Variants in EHBP1 observed in about 807,000 individuals in gnomAD.
EHBP1 encodes EH domain binding protein 1, also known as EH domain-binding protein 1.
EHBP1 carries 55 observed loss-of-function variants against 144.0 expected under a neutral mutation model. The ratio of observed to expected loss-of-function variants is 0.38; its 90% confidence interval spans 0.31 to 0.48. EHBP1 has a LOEUF of 0.48. Among genes scored for constraint, EHBP1 ranks in the 20% least tolerant of loss-of-function variants. The probability of loss-of-function intolerance (pLI) is 0.98; values close to 1 mark genes in which losing one functional copy is unlikely to be tolerated. For missense variants in EHBP1, 1,200 were observed against 1,364.2 expected (o/e 0.88, Z 1.90); for synonymous variants, 469 against 472.7 (o/e 0.99, Z 0.10).
intron 1 of EHBP1, among the ~76,000 whole-genome samples, chr2:62,689,884 A>T (rs1051540450): frequency 1.3e-5 from 2 of 152,248 alleles, no homozygotes; most frequent in African/African-American, 4.8e-5. Flanking sequence ...AGTTACTACT[A>T]AAAAGCAGTA....
At chr2:62,715,922 A>G (rs2035627650) in intron 2 of EHBP1, among the ~76,000 whole-genome samples, 2 of 152,194 alleles carry the variant, frequency 1.3e-5, no homozygotes. Flanking sequence ...TAGCTAATAC[A>G]TGTTATGCTT....
At chr2:63,031,333 C>G (rs1252018082) in intron 19 of EHBP1, among the ~76,000 whole-genome samples, 1 of 152,136 alleles carries the variant, frequency 6.6e-6, no homozygotes, top group Non-Finnish European at 1.5e-5. Context: ...GCTTACAATT[C>G]AAGTTTTCCC....
At chr2:62,969,988 AC>A (rs2058423296) in intron 14 of EHBP1, among the ~76,000 whole-genome samples, 1 of 152,124 alleles carries the variant, frequency 6.6e-6, no homozygotes, top group African/African-American at 2.4e-5. Flanking sequence ...GTCTACCTAA[AC>A]CTTCTAAAAT....
At chr2:62,707,406 A>G (rs765326727) in intron 2 of EHBP1, 111 bp downstream of exon 2, 60 of 757,778 alleles carry the variant, frequency 7.9e-5, no homozygotes, top group Middle Eastern at 3.5e-4. Flanking sequence ...ACTAGTGTGT[A>G]GAAGCTGGGT....
rs184013496 is a variant in EHBP1, at chr2:62,829,838, A to G, written c.495-1181A>G. Among the ~76,000 whole-genome samples, 308 of 149,270 alleles carry G rather than the reference A, an allele frequency of 2.1e-3. 2 individuals carry two copies. Among genetic ancestry groups the G allele is most frequent in the African/African-American group, 6.5e-3 (266 of 40,890 alleles). On this transcript the variant is annotated intron_variant, in intron 6 of 22. Coordinates refer to ENST00000431489, the MANE Select transcript of EHBP1 (RefSeq NM_001142616.3). Reference sequence around the variant, plus strand: ...GTGGCCATAATTTAAGAATAAAAAAAATAGATATTGACATGGATGTGATGA... The same window carrying G: ...GTGGCCATAATTTAAGAATAAAAAAGATAGATATTGACATGGATGTGATGA...
At chr2:62,917,355 C>T (rs1034575391) in intron 10 of EHBP1, among the ~76,000 whole-genome samples, 5 of 152,128 alleles carry the variant, frequency 3.3e-5, no homozygotes, top group Non-Finnish European at 5.9e-5. Context: ...GTATTGCAAT[C>T]TTATGGTACC....
chr2:62,808,293 C>T (rs888781550), intron 5 of EHBP1, among the ~76,000 whole-genome samples: 3 of 149,382 alleles, frequency 2.0e-5, no homozygotes, highest in Non-Finnish European at 4.4e-5. Flanking sequence ...TCCCACAGTC[C>T]TTGGCTACTC....
chr2:62,678,182 G>C (rs549317223), intron 1 of EHBP1, among the ~76,000 whole-genome samples: 14 of 152,316 alleles, frequency 9.2e-5, no homozygotes, highest in African/African-American at 3.4e-4. Flanking sequence ...TTTAACTGGT[G>C]TAAGATTATG....
chr2:62,828,105 G>T (rs903576402), intron 6 of EHBP1, among the ~76,000 whole-genome samples: 1 of 152,130 alleles, frequency 6.6e-6, no homozygotes, highest in African/African-American at 2.4e-5. Flanking sequence ...TTAAAAAGGG[G>T]AAATGACTTT....
intron 14 of EHBP1, among the ~76,000 whole-genome samples, chr2:62,973,311 T>TA (rs1427928654): frequency 6.6e-6 from 1 of 152,232 alleles, no homozygotes; most frequent in East Asian, 1.9e-4. Context: ...CACTTAAACT[T>TA]AGTTGCCTGA....
Position 62,983,269 on chromosome 2 carries a change from G to T in EHBP1, c.2608+3934G>T, listed in dbSNP as rs969384787. 2.0e-5 allele frequency among the ~76,000 whole-genome samples: 3 copies of T among 152,042 alleles called. 1 individual carries two copies. The highest frequency in any genetic ancestry group is 4.4e-5 in the Non-Finnish European group (3 of 67,996). ...TTAGTTATGTAGTATTGTGGTCAGG[G>T]AATAGGGCCTAAATTTCTGCTTTGG... On this transcript the variant is annotated intron_variant, in intron 15 of 22. Transcript: ENST00000431489.
At chr2:63,038,199 C>T (rs2061522745) in intron 20 of EHBP1, among the ~76,000 whole-genome samples, 1 of 152,038 alleles carries the variant, frequency 6.6e-6, no homozygotes, top group Non-Finnish European at 1.5e-5. Context: ...TGCTCACTAG[C>T]AGTATTCTTC....
intron 10 of EHBP1, among the ~76,000 whole-genome samples, chr2:62,940,668 G>A (rs963704452): frequency 3.9e-5 from 6 of 151,990 alleles, no homozygotes; most frequent in Non-Finnish European, 7.4e-5. Flanking sequence ...ATTTAACAAC[G>A]GCTCTATGAT....
In EHBP1 at chr2:62,705,910, C is replaced by T. The variant is rs2151782146; in HGVS notation, c.-438C>T. ...GGCTGCAGATCCCGGCTACCGCGAG[C>T]GCCGTGGCTGGCTTGGCTGTTCCAT... On this transcript the variant is annotated 5_prime_UTR_variant, in exon 1 of 23. Coordinates refer to ENST00000431489, the MANE Select transcript of EHBP1 (RefSeq NM_001142616.3). 2 of 156,490 alleles carry T rather than the reference C, an allele frequency of 1.3e-5. No homozygotes were observed. The highest frequency in any genetic ancestry group is 1.4e-4 in the South Asian group (1 of 7,276). 9.7% of individuals were successfully genotyped at this position (156,490 alleles called of 1,614,324 possible).
intron 8 of EHBP1, among the ~76,000 whole-genome samples, chr2:62,861,625 C>T (rs979186608): frequency 2.0e-5 from 3 of 151,500 alleles, no homozygotes; most frequent in African/African-American, 7.3e-5. Flanking sequence ...ACCTATAATC[C>T]CAGCTGTTTG....
intron 3 of EHBP1, among the ~76,000 whole-genome samples, chr2:62,750,914 A>G (rs541371279): frequency 1.3e-5 from 2 of 152,302 alleles, no homozygotes; most frequent in East Asian, 3.9e-4. Flanking sequence ...TAAATATACA[A>G]TCATGTCATC....
At chr2:62,788,725 C>A (rs1312431307) in intron 5 of EHBP1, among the ~76,000 whole-genome samples, 1 of 152,244 alleles carries the variant, frequency 6.6e-6, no homozygotes, top group African/African-American at 2.4e-5. Flanking sequence ...TGAAGGTTTG[C>A]CAATAAGCTT....
intron 1 of EHBP1, among the ~76,000 whole-genome samples, chr2:62,686,601 C>G (rs2033726184): frequency 6.6e-6 from 1 of 152,174 alleles, no homozygotes; most frequent in Non-Finnish European, 1.5e-5. Flanking sequence ...TGTGTCATCT[C>G]TTTGTACTGA....
intron 3 of EHBP1, among the ~76,000 whole-genome samples, chr2:62,759,929 C>T (rs181420000): frequency 6.2e-4 from 94 of 152,178 alleles, no homozygotes; most frequent in African/African-American, 2.0e-3. Flanking sequence ...TTTGAATGTC[C>T]TTGGTTTCTT....
Sources: allele counts gnomAD v4.1 joint callset (sites outside exome capture counted in the v4.1 genomes callset), GRCh38; gene constraint gnomAD v4.1.1; transcripts MANE v1.5; gene names NCBI Gene and HGNC (gene_info 2026-07-23, HGNC 2026-07-21).